The following ZNF106 variants were observed in gnomAD, a reference collection of about 807,000 sequenced individuals.
The protein encoded by ZNF106 is SH3-domain binding protein 3.
In ZNF106, 67 loss-of-function variants were observed where a neutral mutation model predicts 195.1. That is an observed-to-expected ratio of 0.34 (90% CI 0.28 to 0.42). ZNF106 has a LOEUF of 0.42. Ranked by LOEUF, ZNF106 falls within the 10% of genes least tolerant of loss-of-function variation. The pLI is 1.00. For missense variants in ZNF106, 2,118 were observed against 2,304.5 expected, an observed-to-expected ratio of 0.92 and a Z score of 1.66; for synonymous variants, 784 against 818.6, an observed-to-expected ratio of 0.96 and a Z score of 0.72.
rs577185237 is a variant in ZNF106 at position 42,415,739 on chromosome 15, GTTT to G, written c.*1562_*1564del. 6,273 of 149,906 alleles carry G rather than the reference GTTT, an allele frequency of 0.042. 298 individuals carry two copies. Among genetic ancestry groups the G allele is most frequent in the Admixed American group, 0.16 (2,251 of 14,302 alleles). The allele number at this position is 149,906 out of a possible 1,614,324, so 9.3% of individuals were successfully genotyped here. On this transcript the variant is annotated 3_prime_UTR_variant, in exon 22 of 22. Coordinates refer to ENST00000564754, the MANE Select transcript of ZNF106 (RefSeq NM_001366845.3). The stretch of plus-strand genomic sequence containing the variant: ...AATTTTATCTCTCTGAAGAAGCTGA[GTTT>G]TTTTTTTTTTTTTTGAGACGGAGTC...
intron 9 of ZNF106, 137 bp from the exon 10 acceptor site, chr15:42,442,551 C>T (rs1384494040): frequency 1.4e-5 from 9 of 644,576 alleles, no homozygotes; most frequent in South Asian, 2.4e-5. Flanking sequence ...CATAATTCTC[C>T]GAAATATGGA....
In ZNF106 at chr15:42,450,758, G is replaced by GA. The variant is rs1198467282; in HGVS notation, c.1513dup (p.Ser505PhefsTer17). ...CGAGGGATTTGAGTGTTCTCCAGGGGAAAAAAAATTTGTTTTGGTGTTTTT... is the reference window on the plus strand; with the variant it reads ...CGAGGGATTTGAGTGTTCTCCAGGGGAAAAAAAAATTTGTTTTGGTGTTTTT... On this transcript the variant is annotated frameshift_variant, in exon 5 of 22. Coordinates refer to ENST00000564754, the MANE Select transcript of ZNF106 (RefSeq NM_001366845.3). LOFTEE classifies it high-confidence loss of function. 3.7e-6 allele frequency: 6 copies of GA among 1,613,948 alleles called. No homozygotes were observed. The highest frequency in any genetic ancestry group is 5.1e-6 in the Non-Finnish European group (6 of 1,179,972).
At chr15:42,468,984 C>T (rs1467876288) in intron 2 of ZNF106, among the ~76,000 whole-genome samples, 4 of 151,908 alleles carry the variant, frequency 2.6e-5, no homozygotes, top group South Asian at 2.1e-4. Context: ...GTTAGGAGTT[C>T]GAGACCAGCC....
At chr15:42,474,053 G>A (rs184791982) in intron 1 of ZNF106, among the ~76,000 whole-genome samples, 5 of 152,138 alleles carry the variant, frequency 3.3e-5, no homozygotes, top group African/African-American at 9.7e-5. Context: ...AGCCAGAAGC[G>A]TGAGCCATCT....
intron 1 of ZNF106, among the ~76,000 whole-genome samples, chr15:42,480,283 AC>A (rs762489660): frequency 6.6e-6 from 1 of 152,092 alleles, no homozygotes; most frequent in Non-Finnish European, 1.5e-5. Context: ...TCATGAACTG[AC>A]CTTTTATTGT....
At chr15:42,469,474 C>T (rs2056613792) in intron 2 of ZNF106, among the ~76,000 whole-genome samples, 1 of 152,084 alleles carries the variant, frequency 6.6e-6, no homozygotes, top group African/African-American at 2.4e-5. Context: ...AATTTACATG[C>T]AAAACCTTCT....
intron 1 of ZNF106, among the ~76,000 whole-genome samples, chr15:42,488,816 C>T (rs1476413143): frequency 6.6e-6 from 1 of 152,152 alleles, no homozygotes; most frequent in Non-Finnish European, 1.5e-5. Flanking sequence ...GTGGCTCACA[C>T]CTGTAATCCC....
intron 3 of ZNF106, among the ~76,000 whole-genome samples, chr15:42,463,445 C>T (rs557743391): frequency 1.6e-4 from 25 of 152,122 alleles, no homozygotes; most frequent in Non-Finnish European, 1.0e-4. Context: ...CCTGTAGTCC[C>T]ACCACTTTGG....
At chr15:42,425,136 A>C (rs931904533) in intron 15 of ZNF106, 111 bp from the exon 16 acceptor site, 1 of 1,032,734 alleles carries the variant, frequency 9.7e-7, no homozygotes. Context: ...TCAAATTTTC[A>C]TACCCACTCT....
At chr15:42,423,370 CAAAA>C (rs113979691) in intron 17 of ZNF106, among the ~76,000 whole-genome samples, 8 of 135,166 alleles carry the variant, frequency 5.9e-5, no homozygotes, top group African/African-American at 2.2e-4. Context: ...ACCCCTATCT[CAAAA>C]AAAAAAAAGA....
At chr15:42,480,998 G>C (rs985521321) in intron 1 of ZNF106, among the ~76,000 whole-genome samples, 1 of 151,918 alleles carries the variant, frequency 6.6e-6, no homozygotes, top group Admixed American at 6.6e-5. Flanking sequence ...AATAAAAAAA[G>C]TACCACTACA....
At position 42,487,322 on chromosome 15, in the gene ZNF106, C is replaced by A. The variant is rs983348064; in HGVS notation, c.-33+3658G>T. ...CACAGTGAGACCTCCTCTTCACACA[C>A]ACAAAAAATTTATTAATTAGCTGGG... On this transcript the variant is annotated intron_variant, in intron 1 of 21. Coordinates refer to ENST00000564754, the MANE Select transcript of ZNF106 (RefSeq NM_001366845.3). 2.6e-5 allele frequency among the ~76,000 whole-genome samples: 4 copies of A among 151,296 alleles called. No individual in the cohort carries two copies. The South Asian group carries it at 8.4e-4, about 32-fold the overall frequency.
At chr15:42,468,611 C>T (rs963803317) in intron 2 of ZNF106, among the ~76,000 whole-genome samples, 10 of 151,180 alleles carry the variant, frequency 6.6e-5, no homozygotes, top group East Asian at 2.0e-4. Context: ...GGCATGGCAG[C>T]GCGTGCCTGT....
intron 4 of ZNF106, among the ~76,000 whole-genome samples, chr15:42,452,275 C>T (rs1422973802): frequency 6.6e-6 from 1 of 152,086 alleles, no homozygotes; most frequent in African/African-American, 2.4e-5. Flanking sequence ...ATAATTCCAG[C>T]ACTTTGGGAG....
intron 14 of ZNF106, among the ~76,000 whole-genome samples, chr15:42,432,804 G>A (rs2055102631): frequency 6.6e-6 from 1 of 151,870 alleles, no homozygotes; most frequent in African/African-American, 2.4e-5. Context: ...AGGATCACTT[G>A]AGCCCAGGAG....
intron 7 of ZNF106, 34 bp from the exon 8 acceptor site, chr15:42,445,015 C>T (rs751359300): frequency 1.9e-5 from 31 of 1,610,914 alleles, no homozygotes; most frequent in South Asian, 5.5e-5. Context: ...CAGGTTAATA[C>T]GAGAGATTTC....
chr15:42,464,694 T>C (rs559916747), intron 3 of ZNF106, among the ~76,000 whole-genome samples: 94 of 151,814 alleles, frequency 6.2e-4, no homozygotes, highest in African/African-American at 2.2e-3. Flanking sequence ...GCCCAGCTAA[T>C]TTTGGGGGTT....
intron 1 of ZNF106, among the ~76,000 whole-genome samples, chr15:42,474,168 C>A (rs935673069): frequency 1.3e-5 from 2 of 152,096 alleles, no homozygotes; most frequent in African/African-American, 4.8e-5. Context: ...AGACACAATA[C>A]AAGAGTTGTT....
chr15:42,421,993 G>T lies in ZNF106; in HGVS notation c.5374-5C>A. 1.3e-6 allele frequency: 2 copies of T among 1,567,270 alleles called. No homozygotes were observed. Among genetic ancestry groups the T allele is most frequent in the African/African-American group, 1.4e-5 (1 of 73,262 alleles). Reference sequence around the variant, plus strand: ...AACTTGTAATCGATCATGAGACTTAGGCAGAAAAAAAAAAAGAGAATTGAA... The same window carrying T: ...AACTTGTAATCGATCATGAGACTTATGCAGAAAAAAAAAAAGAGAATTGAA... On this transcript the variant is annotated splice_polypyrimidine_tract_variant and splice_region_variant and intron_variant, in intron 18 of 21. Coordinates refer to ENST00000564754, the MANE Select transcript of ZNF106 (RefSeq NM_001366845.3).
Sources: gnomAD v4.1 joint callset for allele counts (sites outside exome capture counted in the v4.1 genomes callset) on GRCh38, gnomAD v4.1.1 for gene constraint, MANE v1.5 for transcripts, NCBI Gene and HGNC (gene_info 2026-07-23, HGNC 2026-07-21) for gene names.